ARHGAP19: variants seen among roughly 807,000 people sequenced by gnomAD.
ARHGAP19 encodes rho GTPase-activating protein 19.
In ARHGAP19, 48 loss-of-function variants were observed where a neutral mutation model predicts 60.9. The ratio of observed to expected loss-of-function variants is 0.79; its 90% CI spans 0.62 to 1.00. The LOEUF (loss-of-function observed/expected upper bound fraction) is 1.00. ARHGAP19 is among the 50% of genes least tolerant of loss of function. The pLI is 0.00. For synonymous variants in ARHGAP19, 209 were observed against 215.5 expected (o/e 0.97, Z 0.27); for missense variants, 562 against 597.2 (o/e 0.94, Z 0.61).
chr10:97,262,356 A>T (rs34051007), intron 4 of ARHGAP19, among the ~76,000 whole-genome samples: 4,233 of 152,202 alleles, frequency 0.028, 89 homozygotes, highest in Non-Finnish European at 0.044. Context: ...GAAAACAAAT[A>T]ATAATTTTTA....
intron 10 of ARHGAP19, among the ~76,000 whole-genome samples, chr10:97,229,480 C>A (rs779238083): frequency 1.4e-4 from 22 of 152,026 alleles, no homozygotes; most frequent in Admixed American, 1.3e-4. Flanking sequence ...GTGGAATCTT[C>A]CAGTAAGAAC....
chr10:97,292,510 A>G, intron 1 of ARHGAP19, 62 bp downstream of exon 1: 1 of 1,590,862 alleles, frequency 6.3e-7, no homozygotes, highest in East Asian at 2.2e-5. Flanking sequence ...CCCAAGGCAA[A>G]GGCGGCAGGA....
In ARHGAP19 at chr10:97,236,803, G is replaced by GAAAA. The variant is rs71007323; in HGVS notation, c.1186-1492_1186-1489dup. On this transcript the variant is annotated intron_variant, in intron 8 of 11. Transcript: ENST00000358531. ...CACTCCAGCCTGGGCAACAGACTCA[G>GAAAA]AAAAAAAAAAAAAAAAAAAAAATAC... is the stretch of plus-strand genomic sequence containing the variant. Among the ~76,000 whole-genome samples the GAAAA allele has an allele frequency of 1.7e-4, 14 of 80,012 alleles. 1 individual carries two copies. Among genetic ancestry groups the GAAAA allele is most frequent in the Non-Finnish European group, 2.5e-4 (11 of 43,824 alleles). 52.5% of individuals were successfully genotyped at this position (80,012 alleles called of 152,430 possible). A position where few individuals can be genotyped will look rare whatever the true frequency, so the allele number is the denominator to read the frequency against.
At chr10:97,283,553 C>CAA (rs879561476) in intron 1 of ARHGAP19, among the ~76,000 whole-genome samples, 1 of 133,306 alleles carries the variant, frequency 7.5e-6, no homozygotes, top group Non-Finnish European at 1.6e-5. Context: ...GACTCTGTCT[C>CAA]AAAAAAAAAA....
Position 97,235,212 on chromosome 10 carries a change from C to A in ARHGAP19, c.1284+5G>T. The stretch of plus-strand genomic sequence containing the variant: ...ATGCTGAAAACGACAGCCCAGCATA[C>A]CTACCTTAATAAGCCCACTGAAGGA... On this transcript the variant is annotated splice_donor_5th_base_variant and intron_variant, in intron 9 of 11. Coordinates refer to ENST00000358531, the MANE Select transcript of ARHGAP19 (RefSeq NM_032900.6). 6.2e-7 allele frequency: 1 copy of A among 1,604,692 alleles called. No homozygotes were observed. The highest frequency in any genetic ancestry group is 1.7e-5 in the Admixed American group (1 of 59,718).
intron 1 of ARHGAP19, among the ~76,000 whole-genome samples, chr10:97,290,972 A>T (rs1564731757): frequency 6.6e-6 from 1 of 152,110 alleles, no homozygotes; most frequent in Admixed American, 6.6e-5. Context: ...TTCCTAGGCC[A>T]ACTAAGAATC....
intron 1 of ARHGAP19, among the ~76,000 whole-genome samples, chr10:97,271,408 A>C (rs190657406): frequency 1.5e-3 from 228 of 152,284 alleles, no homozygotes; most frequent in African/African-American, 5.2e-3. Flanking sequence ...ACTGAAAAAA[A>C]CATGTTTGCT....
intron 8 of ARHGAP19, among the ~76,000 whole-genome samples, chr10:97,237,382 T>C (rs893353573): frequency 6.6e-6 from 1 of 152,008 alleles, no homozygotes; most frequent in Non-Finnish European, 1.5e-5. Context: ...ACCACGTATA[T>C]GACAGTAGGT....
Position 97,242,225 on chromosome 10 carries a change from G to A in ARHGAP19, c.1185+1743C>T, listed in dbSNP as rs116210300. Among the ~76,000 whole-genome samples, 377 of 150,436 alleles carry A rather than the reference G, an allele frequency of 2.5e-3. 2 individuals carry two copies. Among genetic ancestry groups the A allele is most frequent in the African/African-American group, 8.9e-3 (367 of 41,256 alleles). On this transcript the variant is annotated intron_variant, in intron 8 of 11. Transcript: ENST00000358531. ...ATGCCCACAACATAAACACTGGCAG[G>A]AAGAGTGATTTGCTTTCTTCTTATC...
chr10:97,263,153 G>C lies in ARHGAP19; in HGVS notation c.613+267C>G, dbSNP rs534177486. 5.3e-5 allele frequency among the ~76,000 whole-genome samples: 8 copies of C among 152,146 alleles called. No homozygotes were observed. In the East Asian group the frequency reaches 1.3e-3, roughly 26 times the overall value. ...ACACACTACTCGAGGATCTATCAGAGATTCAAAAATAAATAAAACTCAGAC... is the reference window on the plus strand; with the variant it reads ...ACACACTACTCGAGGATCTATCAGACATTCAAAAATAAATAAAACTCAGAC... On this transcript the variant is annotated intron_variant, in intron 4 of 11. Coordinates refer to ENST00000358531, the MANE Select transcript of ARHGAP19 (RefSeq NM_032900.6).
At chr10:97,268,812 T>A (rs1018843705) in intron 1 of ARHGAP19, among the ~76,000 whole-genome samples, 2 of 152,186 alleles carry the variant, frequency 1.3e-5, no homozygotes, top group Non-Finnish European at 2.9e-5. Context: ...TGTGGGGACA[T>A]AGCCAAACCA....
rs1021891104 is a variant in ARHGAP19 at position 97,278,353 on chromosome 10, G to C, written c.57-12228C>G. ...CTTATTTTAAATGGTTGCTGCTTTGGGATTATGTTTCTTTTTTTCTTGACA... is the reference window on the plus strand; with the variant it reads ...CTTATTTTAAATGGTTGCTGCTTTGCGATTATGTTTCTTTTTTTCTTGACA... On this transcript the variant is annotated intron_variant, in intron 1 of 11. Coordinates refer to ENST00000358531, the MANE Select transcript of ARHGAP19 (RefSeq NM_032900.6). 6.6e-5 allele frequency among the ~76,000 whole-genome samples: 10 copies of C among 152,106 alleles called. 1 individual carries two copies. Among genetic ancestry groups the C allele is most frequent in the Admixed American group, 4.6e-4 (7 of 15,256 alleles).
intron 4 of ARHGAP19, among the ~76,000 whole-genome samples, chr10:97,262,929 G>A (rs1392832257): frequency 6.6e-6 from 1 of 151,996 alleles, no homozygotes; most frequent in Non-Finnish European, 1.5e-5. Context: ...TGGGCAACAC[G>A]GCGAAACCCC....
At position 97,269,323 on chromosome 10, in the gene ARHGAP19, A is replaced by G. The variant is rs1001981355; in HGVS notation, c.57-3198T>C. ...CCCACATCTTCAGCTGGTGGCTAGG[A>G]GATTCCTTCTTTTCTCTGAAATGAC... On this transcript the variant is annotated intron_variant, in intron 1 of 11. Transcript: ENST00000358531. Among the ~76,000 whole-genome samples, 12 of 152,364 alleles carry G rather than the reference A, an allele frequency of 7.9e-5. 1 individual carries two copies. The highest frequency in any genetic ancestry group is 2.6e-4 in the African/African-American group (11 of 41,594).
chr10:97,287,584 A>G (rs1843172474), intron 1 of ARHGAP19, among the ~76,000 whole-genome samples: 1 of 152,074 alleles, frequency 6.6e-6, no homozygotes, highest in Non-Finnish European at 1.5e-5. Context: ...TCTAGAATAA[A>G]TTTTAAAAAT....
At chr10:97,255,507 GTT>G in intron 6 of ARHGAP19, among the ~76,000 whole-genome samples, 9 of 152,196 alleles carry the variant, frequency 5.9e-5, no homozygotes, top group Admixed American at 1.3e-4. Context: ...ATCCCAGAAG[GTT>G]GAGGCTGCAG....
intron 9 of ARHGAP19, among the ~76,000 whole-genome samples, chr10:97,231,975 CGTT>C (rs1489889220): frequency 6.9e-6 from 1 of 144,014 alleles, no homozygotes; most frequent in African/African-American, 2.7e-5. Context: ...TGTTATTTTC[CGTT>C]GTTTTTTTTT....
chr10:97,274,815 C>G (rs1843003320), intron 1 of ARHGAP19, among the ~76,000 whole-genome samples: 1 of 152,038 alleles, frequency 6.6e-6, no homozygotes, highest in African/African-American at 2.4e-5. Context: ...TGTAGGCATA[C>G]AGAAATAACA....
chr10:97,251,753 AGAAGG>A (rs148615183), intron 6 of ARHGAP19, among the ~76,000 whole-genome samples: 1 of 9,456 alleles, frequency 1.1e-4, no homozygotes. Context: ...GAAGGGAAGG[AGAAGG>A]GAAGGGAAGG....
Sources: gnomAD v4.1 joint callset for allele counts (sites outside exome capture counted in the v4.1 genomes callset) on GRCh38, gnomAD v4.1.1 for gene constraint, MANE v1.5 for transcripts, NCBI Gene and HGNC (gene_info 2026-07-23, HGNC 2026-07-21) for gene names.